BMP5: variants seen among roughly 807,000 people sequenced by gnomAD.
BMP5 encodes bone morphogenetic protein 5.
BMP5 carries 23 observed loss-of-function variants against 46.6 expected under a neutral mutation model. That is an observed-to-expected ratio of 0.49 (90% CI 0.35 to 0.70). The LOEUF is 0.70. BMP5 is among the 30% of genes least tolerant of loss of function. The probability of loss-of-function intolerance (pLI) is 0.00; values close to 1 mark genes in which losing one functional copy is unlikely to be tolerated. For missense variants in BMP5, 545 were observed against 565.6 expected, an observed-to-expected ratio of 0.96 and a Z score of 0.37; for synonymous variants, 204 against 191.9, an observed-to-expected ratio of 1.06 and a Z score of -0.52.
intron 4 of BMP5, among the ~76,000 whole-genome samples, chr6:55,769,411 C>A (rs1315490858): frequency 6.6e-6 from 1 of 151,870 alleles, no homozygotes; most frequent in Non-Finnish European, 1.5e-5. Context: ...TAAGAAGCAA[C>A]TCCTCATTCA....
At chr6:55,800,184 A>T (rs758281999) in intron 2 of BMP5, among the ~76,000 whole-genome samples, 1 of 152,122 alleles carries the variant, frequency 6.6e-6, no homozygotes, top group Non-Finnish European at 1.5e-5. Context: ...ACTTATTAAC[A>T]CTGTGATATA....
intron 1 of BMP5, among the ~76,000 whole-genome samples, chr6:55,850,405 T>C (rs1377232307): frequency 6.7e-6 from 1 of 150,074 alleles, no homozygotes; most frequent in Admixed American, 6.6e-5. Context: ...TCGATAGATA[T>C]AGATAGATAG....
intron 4 of BMP5, among the ~76,000 whole-genome samples, chr6:55,770,826 G>A (rs1015744676): frequency 6.6e-6 from 1 of 151,850 alleles, no homozygotes. Context: ...CCCAAGAGAA[G>A]GGAAAGAGAT....
rs183774537 is a variant in BMP5 at position 55,847,809 on chromosome 6, T to C, written c.490+26567A>G. Among the ~76,000 whole-genome samples, 449 of 151,988 alleles carry C rather than the reference T, an allele frequency of 3.0e-3. 5 individuals carry two copies. The highest frequency in any genetic ancestry group is 3.0e-3 in the Admixed American group (46 of 15,216). On this transcript the variant is annotated intron_variant, in intron 1 of 6. Transcript: ENST00000370830. ...CTTAGCCATCAAAATATCAGTGATA[T>C]GTCTCAATATTGTAAAAATAAAAAT... is the stretch of plus-strand genomic sequence containing the variant.
Position 55,857,006 on chromosome 6 carries a change from C to CA in BMP5, c.490+17369dup, listed in dbSNP as rs772127068. ...TATTACTTTCCATATACAGAGTTGA[C>CA]ACTGCCGAAGCTTTGTAAAGTTTTA... On this transcript the variant is annotated intron_variant, in intron 1 of 6. Transcript: ENST00000370830. 4.6e-5 allele frequency among the ~76,000 whole-genome samples: 7 copies of CA among 152,262 alleles called. No homozygotes were observed. The East Asian group carries it at 5.8e-4, about 13-fold the overall frequency.
chr6:55,769,030 C>A (rs1293661416), intron 4 of BMP5, among the ~76,000 whole-genome samples: 2 of 151,940 alleles, frequency 1.3e-5, no homozygotes, highest in African/African-American at 4.8e-5. Context: ...TCTGAGTCTT[C>A]AGCAAGTTGT....
At chr6:55,757,716 TC>T (rs1217901042) in intron 6 of BMP5, among the ~76,000 whole-genome samples, 1 of 151,920 alleles carries the variant, frequency 6.6e-6, no homozygotes, top group Non-Finnish European at 1.5e-5. Flanking sequence ...TGGTCATGAA[TC>T]AATAAAAAGA....
At chr6:55,796,879 G>A (rs959263388) in intron 2 of BMP5, among the ~76,000 whole-genome samples, 2 of 152,132 alleles carry the variant, frequency 1.3e-5, no homozygotes, top group Non-Finnish European at 2.9e-5. Flanking sequence ...GTAAATCTGG[G>A]AAGATGAAGT....
chr6:55,820,841 A>T (rs2127538946), intron 1 of BMP5, among the ~76,000 whole-genome samples: 1 of 152,276 alleles, frequency 6.6e-6, no homozygotes, highest in Admixed American at 6.5e-5. Flanking sequence ...TGAGAGGGGA[A>T]CATATTTTCC....
chr6:55,767,546 A>G (rs999329014), intron 4 of BMP5, among the ~76,000 whole-genome samples: 1 of 151,492 alleles, frequency 6.6e-6, no homozygotes, highest in Non-Finnish European at 1.5e-5. Context: ...AGTCAGTATT[A>G]GATATTAAGT....
rs745438609 is a variant in BMP5 at position 55,794,250 on chromosome 6, CA to C, written c.832+28del. The C allele has an allele frequency of 1.3e-5, 21 of 1,612,860 alleles. No individual in the cohort carries two copies. The East Asian group carries it at 4.5e-4, about 34-fold the overall frequency. On this transcript the variant is annotated intron_variant, in intron 3 of 6. Coordinates refer to ENST00000370830, the MANE Select transcript of BMP5 (RefSeq NM_021073.4). ...CTCTCAATGTGTCAAACAAGCTTCA[CA>C]AAAAAATATATAAAATTCAGTGCTT...
intron 1 of BMP5, among the ~76,000 whole-genome samples, chr6:55,872,004 G>T (rs919279102): frequency 6.6e-6 from 1 of 151,640 alleles, no homozygotes; most frequent in African/African-American, 2.4e-5. Context: ...ATTTGCTAAC[G>T]GATATTACAT....
rs773415942 is a variant in BMP5, at chr6:55,774,153, C to T, written c.923G>A (p.Ser308Asn). Reference sequence around the variant, plus strand: ...TCTCACGGATCGAAGAAGTACCTCACTCGCCTTGAAGAAGGCCACCATGAA... The same window carrying T: ...TCTCACGGATCGAAGAAGTACCTCATTCGCCTTGAAGAAGGCCACCATGAA... ...QPFMVAFFKASEVLLRSVRAA... is the reference protein window; with the variant it reads ...QPFMVAFFKANEVLLRSVRAA... The change falls in exon 4 of 7, where the codon AGT (serine) becomes AAT (asparagine). Residue 308 changes from serine to asparagine, a missense_variant. Transcript: ENST00000370830. 6.2e-6 allele frequency: 10 copies of T among 1,613,050 alleles called. No homozygotes were observed. Among genetic ancestry groups the T allele is most frequent in the African/African-American group, 1.3e-5 (1 of 74,820 alleles).
intron 4 of BMP5, among the ~76,000 whole-genome samples, chr6:55,766,345 C>G (rs529364246): frequency 2.4e-4 from 36 of 152,008 alleles, no homozygotes; most frequent in African/African-American, 8.4e-4. Flanking sequence ...TATATTTTTT[C>G]TTTCTTTGTT....
chr6:55,814,188 A>C (rs1455219113), intron 2 of BMP5, among the ~76,000 whole-genome samples: 1 of 152,082 alleles, frequency 6.6e-6, no homozygotes, highest in Non-Finnish European at 1.5e-5. Context: ...AAAACTAATT[A>C]TTTATTAAAT....
At chr6:55,791,893 C>A (rs1435279335) in intron 3 of BMP5, among the ~76,000 whole-genome samples, 1 of 152,108 alleles carries the variant, frequency 6.6e-6, no homozygotes, top group African/African-American at 2.4e-5. Context: ...CTTGTTTGGG[C>A]CACATACCAG....
chr6:55,799,792 T>G (rs1267542413), intron 2 of BMP5, among the ~76,000 whole-genome samples: 1 of 152,194 alleles, frequency 6.6e-6, no homozygotes, highest in Non-Finnish European at 1.5e-5. Context: ...GATACAGACA[T>G]GGCTTCTGTT....
chr6:55,813,704 G>A (rs1346510436), intron 2 of BMP5, among the ~76,000 whole-genome samples: 1 of 151,210 alleles, frequency 6.6e-6, no homozygotes, highest in Admixed American at 6.6e-5. Flanking sequence ...GGAGAACAGC[G>A]TGAACCAGGG....
intron 1 of BMP5, among the ~76,000 whole-genome samples, chr6:55,870,958 G>T (rs906920748): frequency 2.0e-5 from 3 of 151,842 alleles, no homozygotes; most frequent in African/African-American, 7.2e-5. Context: ...GGAATATGTA[G>T]ATACAAAGAA....
Sources: allele counts gnomAD v4.1 joint callset (sites outside exome capture counted in the v4.1 genomes callset), GRCh38; gene constraint gnomAD v4.1.1; transcripts MANE v1.5; gene names NCBI Gene and HGNC (gene_info 2026-07-23, HGNC 2026-07-21).